SLC35G4: variants seen among roughly 807,000 people sequenced by gnomAD.
SLC35G4 encodes acyl-malonyl-condensing enzyme 1-like protein 1.
In SLC35G4, 12 loss-of-function variants were observed where a neutral mutation model predicts 15.8. The ratio of observed to expected loss-of-function variants is 0.76; its 90% CI spans 0.49 to 1.23. The LOEUF (loss-of-function observed/expected upper bound fraction) is 1.23, where lower values mean the gene tolerates loss of function less well. SLC35G4 is among the 50% of genes most tolerant of loss of function. The pLI is 0.00. For synonymous variants in SLC35G4, 177 were observed against 186.5 expected (o/e 0.95, Z 0.41); for missense variants, 390 against 422.1 (o/e 0.92, Z 0.67).
rs779683365 is a variant in SLC35G4, at chr18:11,610,012, C to G, written c.417C>G (p.Thr139=). 2.5e-6 allele frequency: 4 copies of G among 1,613,940 alleles called. No homozygotes were observed. The highest frequency in any genetic ancestry group is 1.3e-5 in the African/African-American group (1 of 75,032). Residue 139 remains threonine (T), a synonymous_variant, in exon 1 of 1, where the codon ACC becomes ACG. Transcript: ENST00000588001. Reference sequence around the variant, plus strand: ...CCACTGTTCGCAAACATTCTTCCACCGTCTGCTCCGCCATCCTCACCCTCT... The same window carrying G: ...CCACTGTTCGCAAACATTCTTCCACGGTCTGCTCCGCCATCCTCACCCTCT... The part of the protein sequence containing the change: ...NAATVRKHSS[T]VCSAILTLCL...
rs748781247 is a variant in SLC35G4, at chr18:11,609,752, T to A, written c.157T>A (p.Phe53Ile). 20 of 1,613,666 alleles carry A rather than the reference T, an allele frequency of 1.2e-5. No individual in the cohort carries two copies. The highest frequency in any genetic ancestry group is 1.7e-5 in the Non-Finnish European group (20 of 1,179,882). Reference sequence around the variant, plus strand: ...GCTGGGTGGGGGCCTGCCTGCTGGCTTCGTGGGCCCCCTTTCTCGTATGGC... The same window carrying A: ...GCTGGGTGGGGGCCTGCCTGCTGGCATCGTGGGCCCCCTTTCTCGTATGGC... ...ALLGGGLPAG[F>I]VGPLSRMAYQ... The change falls in exon 1 of 1, where the codon TTC becomes ATC. Residue 53 changes from phenylalanine (F) to isoleucine (I), a missense_variant. By Grantham distance (21) the Phe-to-Ile change is conservative. Coordinates refer to ENST00000588001, the MANE Select transcript of SLC35G4 (RefSeq NM_001282300.2).
chr18:11,609,809 C>T lies in SLC35G4; in HGVS notation c.214C>T (p.Leu72=), dbSNP rs1026425098. 5 of 1,613,618 alleles carry T rather than the reference C, an allele frequency of 3.1e-6. No homozygotes were observed. In the African/African-American group the frequency reaches 5.3e-5, roughly 17 times the overall value. Residue 72 remains leucine (L), a synonymous_variant, in exon 1 of 1, where the codon CTG becomes TTG. Transcript: ENST00000588001. ...YQASNLPSLE[L]VICRCLFHLP... ...GGCTTCCAACCTGCCCTCGCTGGAG[C>T]TGGTCATCTGTCGATGCCTCTTCCA...
At position 11,610,092 on chromosome 18, in the gene SLC35G4, T is replaced by C. The variant is rs771985496; in HGVS notation, c.497T>C (p.Ile166Thr). Residue 166 changes from isoleucine (I) to threonine (T), a missense_variant, in exon 1 of 1, where the codon ATC (isoleucine) becomes ACC (threonine). Ile to Thr is a moderately conservative substitution (Grantham distance 89). Coordinates refer to ENST00000588001, the MANE Select transcript of SLC35G4 (RefSeq NM_001282300.2). ...GYDWCGLLGS[I>T]LGLIIIVGPG... is the part of the protein sequence containing the mutation. ...GACTGGTGTGGACTGTTGGGCAGCA[T>C]CCTAGGACTAATAATCATTGTGGGA... is the stretch of plus-strand genomic sequence containing the variant. 2.5e-6 allele frequency: 4 copies of C among 1,613,888 alleles called. No homozygotes were observed. Among genetic ancestry groups the C allele is most frequent in the Non-Finnish European group, 3.4e-6 (4 of 1,179,876 alleles).
rs1370551553 is a variant in SLC35G4, at chr18:11,610,083, T to G, written c.488T>G (p.Leu163Trp). 1 of 1,613,850 alleles carries G rather than the reference T, an allele frequency of 6.2e-7. No individual in the cohort carries two copies. The highest frequency in any genetic ancestry group is 8.5e-7 in the Non-Finnish European group (1 of 1,179,886). Residue 163 changes from leucine (L) to tryptophan (W), a missense_variant, in exon 1 of 1, where the codon TTG becomes TGG. Leu to Trp is a moderately conservative substitution (Grantham distance 61). Around this residue, in one of 2 missense-constraint regions of SLC35G4, gnomAD observed 331 missense variants for 241.1 expected, o/e 1.37. Transcript: ENST00000588001. ...VLSGYDWCGLLGSILGLIIIV... is the reference protein window; with the variant it reads ...VLSGYDWCGLWGSILGLIIIV... Reference sequence around the variant, plus strand: ...AGTGGCTACGACTGGTGTGGACTGTTGGGCAGCATCCTAGGACTAATAATC... The same window carrying G: ...AGTGGCTACGACTGGTGTGGACTGTGGGGCAGCATCCTAGGACTAATAATC...
rs1567967994 is a variant in SLC35G4 at position 11,609,909 on chromosome 18, G to C, written c.314G>C (p.Cys105Ser). The C allele has an allele frequency of 6.2e-7, 1 of 1,613,504 alleles. No homozygotes were observed. Among genetic ancestry groups the C allele is most frequent in the Admixed American group, 1.7e-5 (1 of 59,998 alleles). The stretch of plus-strand genomic sequence containing the variant: ...CCTCCTGACATCCGAGGCCGCACCT[G>C]CTTCTGTGCCCTGCTCAACGTCCTC... The part of the protein sequence containing the change: ...LGPPDIRGRT[C>S]FCALLNVLNI... The change falls in exon 1 of 1, where the codon TGC becomes TCC. Residue 105 changes from cysteine to serine, a missense_variant. Physicochemically the swap from Cys to Ser is moderately radical, Grantham distance 112. Transcript: ENST00000588001.
Position 11,609,871 on chromosome 18 carries a change from C to T in SLC35G4, c.276C>T (p.Asp92=). The T allele has an allele frequency of 1.2e-6, 2 of 1,613,392 alleles. No individual in the cohort carries two copies. The highest frequency in any genetic ancestry group is 1.7e-6 in the Non-Finnish European group (2 of 1,179,486). Residue 92 remains aspartate, a synonymous_variant, in exon 1 of 1, where the codon GAC becomes GAT. Coordinates refer to ENST00000588001, the MANE Select transcript of SLC35G4 (RefSeq NM_001282300.2). The part of the protein sequence containing the change: ...PIALLLKLRG[D]PLLGPPDIRG... Reference sequence around the variant, plus strand: ...CCCTGCTACTTAAACTGCGTGGCGACCCCCTTCTGGGACCTCCTGACATCC... The same window carrying T: ...CCCTGCTACTTAAACTGCGTGGCGATCCCCTTCTGGGACCTCCTGACATCC...
Position 11,609,638 on chromosome 18 carries a change from C to A in SLC35G4, c.43C>A (p.His15Asn), listed in dbSNP as rs1317719525. ...CTACTTCAACCTGCCTGACTCCACA[C>A]ACCCATCGCCGCCCTCCACTCCACC... ...HPYFNLPDST[H>N]PSPPSTPPSL... is the part of the protein sequence containing the mutation. Residue 15 changes from histidine to asparagine, a missense_variant, in exon 1 of 1, where the codon CAC (histidine) becomes AAC (asparagine). Around this residue, in one of 2 missense-constraint regions of SLC35G4, gnomAD observed 331 missense variants for 241.1 expected, o/e 1.37. Transcript: ENST00000588001. The A allele has an allele frequency of 6.3e-5, 102 of 1,611,838 alleles. No homozygotes were observed. The highest frequency in any genetic ancestry group is 2.0e-4 in the Admixed American group (12 of 59,914).
Position 11,610,012 on chromosome 18 carries a change from C to A in SLC35G4, c.417C>A (p.Thr139=). ...CCACTGTTCGCAAACATTCTTCCAC[C>A]GTCTGCTCCGCCATCCTCACCCTCT... ...NAATVRKHSS[T]VCSAILTLCL... Residue 139 remains threonine, a synonymous_variant, in exon 1 of 1, where the codon ACC becomes ACA. Coordinates refer to ENST00000588001, the MANE Select transcript of SLC35G4 (RefSeq NM_001282300.2). The A allele has an allele frequency of 3.7e-6, 6 of 1,613,940 alleles. No individual in the cohort carries two copies. Among genetic ancestry groups the A allele is most frequent in the Non-Finnish European group, 5.1e-6 (6 of 1,179,824 alleles).
rs1381344510 is a variant in SLC35G4 at position 11,609,621 on chromosome 18, A to T, written c.26A>T (p.Asn9Ile). ...ATGGCTGGCAGTCACCCCTACTTCA[A>T]CCTGCCTGACTCCACACACCCATCG... MAGSHPYF[N>I]LPDSTHPSPP... Residue 9 changes from asparagine to isoleucine, a missense_variant, in exon 1 of 1, where the codon AAC becomes ATC. This residue lies in a region of SLC35G4 where 331 missense variants were observed against 241.1 expected (regional missense o/e 1.37). Transcript: ENST00000588001. 6 of 1,606,226 alleles carry T rather than the reference A, an allele frequency of 3.7e-6. No individual in the cohort carries two copies. Among genetic ancestry groups the T allele is most frequent in the Non-Finnish European group, 4.3e-6 (5 of 1,175,868 alleles).
At position 11,609,822 on chromosome 18, in the gene SLC35G4, G is replaced by A. The variant is rs200789187; in HGVS notation, c.227G>A (p.Arg76Gln). 1.3e-5 allele frequency: 21 copies of A among 1,613,444 alleles called. No individual in the cohort carries two copies. Among genetic ancestry groups the A allele is most frequent in the Middle Eastern group, 1.6e-4 (1 of 6,078 alleles). The change falls in exon 1 of 1, where the codon CGA (arginine) becomes CAA (glutamine). Residue 76 changes from arginine (R) to glutamine (Q), a missense_variant. Coordinates refer to ENST00000588001, the MANE Select transcript of SLC35G4 (RefSeq NM_001282300.2). Reference sequence around the variant, plus strand: ...CCCTCGCTGGAGCTGGTCATCTGTCGATGCCTCTTCCACCTCCCTATTGCC... The same window carrying A: ...CCCTCGCTGGAGCTGGTCATCTGTCAATGCCTCTTCCACCTCCCTATTGCC... ...NLPSLELVIC[R>Q]CLFHLPIALL...
In SLC35G4 at chr18:11,609,905, A is replaced by AGG. The variant is rs752678118; in HGVS notation, c.310_311insGG (p.Thr104ArgfsTer65). The AGG allele has an allele frequency of 1.5e-4, 236 of 1,613,510 alleles. 2 individuals carry two copies. Among genetic ancestry groups the AGG allele is most frequent in the Admixed American group, 3.3e-4 (20 of 59,988 alleles). On this transcript the variant is annotated frameshift_variant, in exon 1 of 1. Coordinates refer to ENST00000588001, the MANE Select transcript of SLC35G4 (RefSeq NM_001282300.2). LOFTEE classifies it high-confidence loss of function. ...GGGACCTCCTGACATCCGAGGCCGC[A>AGG]CCTGCTTCTGTGCCCTGCTCAACGT...
chr18:11,609,948 C>T lies in SLC35G4; in HGVS notation c.353C>T (p.Ala118Val). ...ALLNVLNIGC[A>V]YSAVQVVPTG... ...CTCAACGTCCTCAACATTGGATGTG[C>T]CTATAGTGCGGTTCAGGTGGTGCCC... The change falls in exon 1 of 1, where the codon GCC becomes GTC. Residue 118 changes from alanine (A) to valine (V), a missense_variant. Around this residue, in one of 2 missense-constraint regions of SLC35G4, gnomAD observed 331 missense variants for 241.1 expected, o/e 1.37. Transcript: ENST00000588001. 6.2e-7 allele frequency: 1 copy of T among 1,614,020 alleles called. No individual in the cohort carries two copies. The highest frequency in any genetic ancestry group is 2.2e-5 in the East Asian group (1 of 44,882).
rs1319969975 is a variant in SLC35G4, at chr18:11,610,553, A to G, written c.958A>G (p.Ile320Val). ...IMGAGVVLGS[I>V]AIITARNLIC... ...GGGGGCAGGGGTTGTGCTGGGCAGCATTGCCATCATTACAGCCCGGAACCT... is the reference window on the plus strand; with the variant it reads ...GGGGGCAGGGGTTGTGCTGGGCAGCGTTGCCATCATTACAGCCCGGAACCT... The change falls in exon 1 of 1, where the codon ATT becomes GTT. Residue 320 changes from isoleucine (I) to valine (V), a missense_variant. This residue lies in a region of SLC35G4 where 59 missense variants were observed against 181.0 expected (regional missense o/e 0.33). Transcript: ENST00000588001. The G allele has an allele frequency of 6.4e-7, 1 of 1,564,518 alleles. No individual in the cohort carries two copies. The highest frequency in any genetic ancestry group is 1.6e-5 in the African/African-American group (1 of 63,832).
chr18:11,609,994 T>C lies in SLC35G4; in HGVS notation c.399T>C (p.Val133=). ...TGCCCACTGGCAATGCTGCCACTGTTCGCAAACATTCTTCCACCGTCTGCT... is the reference window on the plus strand; with the variant it reads ...TGCCCACTGGCAATGCTGCCACTGTCCGCAAACATTCTTCCACCGTCTGCT... The part of the protein sequence containing the change: ...QVVPTGNAAT[V]RKHSSTVCSA... Residue 133 remains valine, a synonymous_variant, in exon 1 of 1, where the codon GTT becomes GTC. Coordinates refer to ENST00000588001, the MANE Select transcript of SLC35G4 (RefSeq NM_001282300.2). 6.2e-7 allele frequency: 1 copy of C among 1,613,990 alleles called. No homozygotes were observed.
chr18:11,610,023 C>A lies in SLC35G4; in HGVS notation c.428C>A (p.Ala143Asp). 6.2e-7 allele frequency: 1 copy of A among 1,613,962 alleles called. No homozygotes were observed. The highest frequency in any genetic ancestry group is 8.5e-7 in the Non-Finnish European group (1 of 1,179,834). ...AAACATTCTTCCACCGTCTGCTCCGCCATCCTCACCCTCTGCCTTGAGAGC... is the reference window on the plus strand; with the variant it reads ...AAACATTCTTCCACCGTCTGCTCCGACATCCTCACCCTCTGCCTTGAGAGC... ...VRKHSSTVCS[A>D]ILTLCLESQV... The change falls in exon 1 of 1, where the codon GCC becomes GAC. Residue 143 changes from alanine (A) to aspartate (D), a missense_variant. Ala to Asp is a moderately radical substitution (Grantham distance 126). This residue lies in a region of SLC35G4 where 331 missense variants were observed against 241.1 expected (regional missense o/e 1.37). Transcript: ENST00000588001.
rs532641844 is a variant in SLC35G4, at chr18:11,610,327, C to T, written c.732C>T (p.Pro244=). 2.2e-4 allele frequency: 357 copies of T among 1,602,340 alleles called. 14 individuals are homozygous for T. Among genetic ancestry groups the T allele is most frequent in the Admixed American group, 3.0e-4 (18 of 59,756 alleles). The change falls in exon 1 of 1, where the codon CCC becomes CCT. Residue 244 remains proline (P), a synonymous_variant. Coordinates refer to ENST00000588001, the MANE Select transcript of SLC35G4 (RefSeq NM_001282300.2). ...CAGGCCTCTTTGTGCTGCAGTCCCC[C>T]GTGTTGCCCAGTGACCTCCTGAGTT... ...SVPGLFVLQS[P]VLPSDLLSWS...
At position 11,610,046 on chromosome 18, in the gene SLC35G4, A is replaced by AG; in HGVS notation, c.452dup (p.Ser151ArgfsTer99). ...CGCCATCCTCACCCTCTGCCTTGAG[A>AG]GCCAGGTTCTCAGTGGCTACGACTG... On this transcript the variant is annotated frameshift_variant, in exon 1 of 1. Transcript: ENST00000588001. LOFTEE classifies it high-confidence loss of function. 2.5e-6 allele frequency: 4 copies of AG among 1,613,916 alleles called. No homozygotes were observed. The South Asian group carries it at 4.4e-5, about 18-fold the overall frequency.
At position 11,610,473 on chromosome 18, in the gene SLC35G4, C is replaced by T. The variant is rs759419464; in HGVS notation, c.878C>T (p.Ala293Val). ...CAVLHSEVVM[A>V]LILQYFMLHE... ...GTCCTGCATTCCGAGGTGGTGATGGCCCTTATACTGCAGTATTTTATGCTC... is the reference window on the plus strand; with the variant it reads ...GTCCTGCATTCCGAGGTGGTGATGGTCCTTATACTGCAGTATTTTATGCTC... Residue 293 changes from alanine (A) to valine (V), a missense_variant, in exon 1 of 1, where the codon GCC becomes GTC. By Grantham distance (64) the Ala-to-Val change is moderately conservative. Coordinates refer to ENST00000588001, the MANE Select transcript of SLC35G4 (RefSeq NM_001282300.2). 4.6e-6 allele frequency: 7 copies of T among 1,512,340 alleles called. No homozygotes were observed. The South Asian group carries it at 7.0e-5, about 15-fold the overall frequency. 93.7% of individuals were successfully genotyped at this position (1,512,340 alleles called of 1,614,324 possible).
In SLC35G4 at chr18:11,610,069, C is replaced by A. The variant is rs747054657; in HGVS notation, c.474C>A (p.Asp158Glu). 6.8e-6 allele frequency: 11 copies of A among 1,614,000 alleles called. No individual in the cohort carries two copies. The South Asian group carries it at 8.8e-5, about 13-fold the overall frequency. ...CLESQVLSGY[D>E]WCGLLGSILG... Reference sequence around the variant, plus strand: ...AGAGCCAGGTTCTCAGTGGCTACGACTGGTGTGGACTGTTGGGCAGCATCC... The same window carrying A: ...AGAGCCAGGTTCTCAGTGGCTACGAATGGTGTGGACTGTTGGGCAGCATCC... The change falls in exon 1 of 1, where the codon GAC (aspartate) becomes GAA (glutamate). Residue 158 changes from aspartate to glutamate, a missense_variant. By Grantham distance (45) the Asp-to-Glu change is conservative. Coordinates refer to ENST00000588001, the MANE Select transcript of SLC35G4 (RefSeq NM_001282300.2).
Sources: allele counts gnomAD v4.1 joint callset, GRCh38; gene constraint gnomAD v4.1.1; regional missense constraint gnomAD v4.1.1; transcripts MANE v1.5; gene names NCBI Gene and HGNC (gene_info 2026-07-23, HGNC 2026-07-21).